STXBP5L: variants seen among roughly 807,000 people sequenced by gnomAD.
STXBP5L encodes the protein syntaxin-binding protein 5-like.
STXBP5L carries 65 observed loss-of-function variants against 144.5 expected under a neutral mutation model. The observed-to-expected ratio is 0.45, with a 90% CI of 0.37 to 0.55. The LOEUF (loss-of-function observed/expected upper bound fraction) is 0.55, where lower values mean the gene tolerates loss of function less well. Among genes scored for constraint, STXBP5L ranks in the 20% least tolerant of loss-of-function variants. STXBP5L has a pLI of 0.00. For missense variants in STXBP5L, 1,298 were observed against 1,405.5 expected (o/e 0.92, Z 1.22); for synonymous variants, 505 against 469.6 (o/e 1.08, Z -0.97).
At chr3:121,189,820 C>A (rs779205158) in intron 9 of STXBP5L, among the ~76,000 whole-genome samples, 1 of 151,690 alleles carries the variant, frequency 6.6e-6, no homozygotes, top group Non-Finnish European at 1.5e-5. Context: ...GAATAATTTG[C>A]GTGTGAATAA....
intron 11 of STXBP5L, among the ~76,000 whole-genome samples, chr3:121,229,356 T>C (rs338978): frequency 0.49 from 74,258 of 151,880 alleles, 18,613 homozygotes; most frequent in East Asian, 0.73. Flanking sequence ...AAAGTTATTT[T>C]TTCTCAATAA....
intron 6 of STXBP5L, among the ~76,000 whole-genome samples, chr3:121,115,505 G>GT (rs1355977274): frequency 6.6e-6 from 1 of 152,050 alleles, no homozygotes; most frequent in Non-Finnish European, 1.5e-5. Context: ...TTATACATAG[G>GT]TTTTTTGGGT....
rs2047764263 is a variant in STXBP5L at position 121,193,033 on chromosome 3, G to A, written c.878-12890G>A. Among the ~76,000 whole-genome samples the A allele has an allele frequency of 3.5e-5, 5 of 142,908 alleles. 1 individual carries two copies. In the South Asian group the frequency reaches 1.2e-3, roughly 35 times the overall value. The allele number at this position is 142,908 out of a possible 152,430, so 93.8% of individuals were successfully genotyped here. A position where few individuals can be genotyped will look rare whatever the true frequency, so the allele number is the denominator to read the frequency against. On this transcript the variant is annotated intron_variant, in intron 9 of 26. Coordinates refer to ENST00000471454, the MANE Select transcript of STXBP5L (RefSeq NM_001308330.2). ...AAGAAACTGCCATCACAGTGAATAGGCAACCTACAGAATGGGAGAAAATTT... is the reference window on the plus strand; with the variant it reads ...AAGAAACTGCCATCACAGTGAATAGACAACCTACAGAATGGGAGAAAATTT...
At chr3:121,124,539 A>G (rs1285505747) in intron 7 of STXBP5L, among the ~76,000 whole-genome samples, 4 of 152,012 alleles carry the variant, frequency 2.6e-5, no homozygotes, top group Non-Finnish European at 5.9e-5. Flanking sequence ...TATAGAATTT[A>G]TTGCTCTTGT....
intron 9 of STXBP5L, among the ~76,000 whole-genome samples, chr3:121,168,050 T>TG (rs2046566384): frequency 6.6e-6 from 1 of 151,754 alleles, no homozygotes; most frequent in South Asian, 2.1e-4. Context: ...GGGTCTGGAG[T>TG]GGACCTCCAG....
At chr3:121,164,757 G>T (rs924232158) in intron 9 of STXBP5L, among the ~76,000 whole-genome samples, 1 of 152,110 alleles carries the variant, frequency 6.6e-6, no homozygotes, top group African/African-American at 2.4e-5. Context: ...TGAACCTGGA[G>T]GACATTATGC....
chr3:121,003,535 G>T (rs1277903989), intron 3 of STXBP5L, among the ~76,000 whole-genome samples: 2 of 152,164 alleles, frequency 1.3e-5, no homozygotes, highest in African/African-American at 4.8e-5. Context: ...TTCTTTTGCT[G>T]TGCAGAAGCT....
chr3:121,262,966 T>C (rs897775499), intron 18 of STXBP5L, among the ~76,000 whole-genome samples: 1 of 152,190 alleles, frequency 6.6e-6, no homozygotes, highest in African/African-American at 2.4e-5. Flanking sequence ...GCTTGAGCTC[T>C]GCTAAGGGAC....
At position 121,365,722 on chromosome 3, in the gene STXBP5L, C is replaced by A. The variant is rs142962393; in HGVS notation, c.2177-12994C>A. On this transcript the variant is annotated intron_variant, in intron 20 of 26. Coordinates refer to ENST00000471454, the MANE Select transcript of STXBP5L (RefSeq NM_001308330.2). ...TTTTGTTGATTTTCTGAAGACCCAACTTTTGATTTCATTGATTTTCTCTGT... is the reference window on the plus strand; with the variant it reads ...TTTTGTTGATTTTCTGAAGACCCAAATTTTGATTTCATTGATTTTCTCTGT... Among the ~76,000 whole-genome samples, 364 of 151,468 alleles carry A rather than the reference C, an allele frequency of 2.4e-3. 2 individuals carry two copies. The highest frequency in any genetic ancestry group is 7.9e-3 in the African/African-American group (327 of 41,412).
chr3:121,414,214 A>G (rs1467324198), intron 24 of STXBP5L, among the ~76,000 whole-genome samples: 1 of 151,034 alleles, frequency 6.6e-6, no homozygotes, highest in East Asian at 1.9e-4. Context: ...AATAAATAAG[A>G]TACAAGTCCC....
intron 20 of STXBP5L, among the ~76,000 whole-genome samples, chr3:121,377,900 G>A (rs888620986): frequency 7.2e-5 from 11 of 152,148 alleles, no homozygotes; most frequent in African/African-American, 2.2e-4. Context: ...ATTTACAATA[G>A]CAAAGACTTG....
chr3:121,050,006 T>A (rs1947838437), intron 5 of STXBP5L, among the ~76,000 whole-genome samples: 1 of 152,150 alleles, frequency 6.6e-6, no homozygotes, highest in Non-Finnish European at 1.5e-5. Context: ...ACTCACTCAC[T>A]GTTCCCTGTG....
intron 22 of STXBP5L, among the ~76,000 whole-genome samples, chr3:121,385,048 A>C (rs950546184): frequency 1.3e-5 from 2 of 152,098 alleles, no homozygotes; most frequent in Non-Finnish European, 2.9e-5. Context: ...TAAAATATAT[A>C]TCTCTCATAA....
intron 9 of STXBP5L, among the ~76,000 whole-genome samples, chr3:121,175,461 G>A (rs2046896407): frequency 6.6e-6 from 1 of 152,128 alleles, no homozygotes; most frequent in South Asian, 2.1e-4. Flanking sequence ...TGAGGCATAT[G>A]ACAAGGCAAA....
chr3:121,212,758 A>G (rs374494324), intron 10 of STXBP5L, among the ~76,000 whole-genome samples: 7 of 152,128 alleles, frequency 4.6e-5, no homozygotes, highest in Admixed American at 4.6e-4. Flanking sequence ...AAGAAAGTCA[A>G]TGGTAGCTTG....
At chr3:121,109,342 A>G (rs530881817) in intron 5 of STXBP5L, among the ~76,000 whole-genome samples, 2 of 152,000 alleles carry the variant, frequency 1.3e-5, no homozygotes, top group Non-Finnish European at 2.9e-5. Flanking sequence ...AGATCTTTCT[A>G]GCTTTTCGAT....
intron 5 of STXBP5L, among the ~76,000 whole-genome samples, chr3:121,078,529 C>A (rs1318813905): frequency 6.6e-6 from 1 of 152,252 alleles, no homozygotes; most frequent in African/African-American, 2.4e-5. Flanking sequence ...TGCCATGCGC[C>A]CGCACTCCTC....
At chr3:121,346,894 C>T (rs887892640) in intron 20 of STXBP5L, among the ~76,000 whole-genome samples, 36 of 152,018 alleles carry the variant, frequency 2.4e-4, no homozygotes, top group African/African-American at 8.7e-4. Flanking sequence ...TTCTCCCATT[C>T]TGTACATTGC....
At chr3:121,416,960 A>G (rs1223052091) in intron 25 of STXBP5L, among the ~76,000 whole-genome samples, 1 of 152,214 alleles carries the variant, frequency 6.6e-6, no homozygotes, top group African/African-American at 2.4e-5. Context: ...AGGTTCCTTC[A>G]TACAATAGAA....
Sources: gnomAD v4.1 joint callset for allele counts (sites outside exome capture counted in the v4.1 genomes callset) on GRCh38, gnomAD v4.1.1 for gene constraint, MANE v1.5 for transcripts, NCBI Gene and HGNC (gene_info 2026-07-23, HGNC 2026-07-21) for gene names.